UBE3B: variants seen among roughly 807,000 people sequenced by gnomAD.
The protein encoded by UBE3B is ubiquitin-protein ligase E3B.
In UBE3B, 80 loss-of-function variants were observed where a neutral mutation model predicts 132.3. The observed-to-expected ratio is 0.60, with a 90% CI of 0.50 to 0.73. The LOEUF is 0.73. UBE3B is among the 30% of genes least tolerant of loss of function. UBE3B has a pLI of 0.00. For missense variants in UBE3B, 1,196 were observed against 1,362.5 expected, an observed-to-expected ratio of 0.88 and a Z score of 1.92; for synonymous variants, 487 against 520.4, an observed-to-expected ratio of 0.94 and a Z score of 0.87.
chr12:109,497,482 C>T (rs1057402789), intron 9 of UBE3B, among the ~76,000 whole-genome samples: 1 of 152,132 alleles, frequency 6.6e-6, no homozygotes, highest in Non-Finnish European at 1.5e-5. Flanking sequence ...CTCCAAAACC[C>T]CCTTTTTTCC....
At chr12:109,515,134 C>T (rs888702643) in intron 18 of UBE3B, among the ~76,000 whole-genome samples, 3 of 151,790 alleles carry the variant, frequency 2.0e-5, no homozygotes, top group South Asian at 2.1e-4. Context: ...AGGATGGTCT[C>T]GATCTCCTGA....
chr12:109,537,371 C>G (rs1883491465), downstream of UBE3B, among the ~76,000 whole-genome samples: 1 of 152,190 alleles, frequency 6.6e-6, no homozygotes, highest in Admixed American at 6.5e-5. Context: ...TTTGCCCCGC[C>G]TTGGTGCTTC....
At chr12:109,490,461 A>G in intron 8 of UBE3B, 1 of 1,535,208 alleles carries the variant, frequency 6.5e-7, no homozygotes. Flanking sequence ...TTGAGAAGTA[A>G]TGTTGACTTT....
At chr12:109,500,484 A>G (rs987784102) in intron 12 of UBE3B, among the ~76,000 whole-genome samples, 8 of 152,138 alleles carry the variant, frequency 5.3e-5, no homozygotes, top group African/African-American at 1.2e-4. Context: ...GAAATCCCCA[A>G]ATTTTTCTTT....
intron 23 of UBE3B, among the ~76,000 whole-genome samples, chr12:109,526,115 C>T (rs1012881507): frequency 7.9e-5 from 12 of 152,138 alleles, no homozygotes; most frequent in South Asian, 2.1e-4. Context: ...CATGACATCC[C>T]GAAGTCTTAA....
At chr12:109,486,622 C>G in intron 6 of UBE3B, 47 bp downstream of exon 6, 3 of 1,415,640 alleles carry the variant, frequency 2.1e-6, no homozygotes, top group Non-Finnish European at 2.9e-6. Context: ...AGAAACAGTA[C>G]GTATGTCATT....
At chr12:109,516,171 T>C (rs945519642) in intron 18 of UBE3B, among the ~76,000 whole-genome samples, 7 of 135,258 alleles carry the variant, frequency 5.2e-5, no homozygotes, top group African/African-American at 8.4e-5. Context: ...TTTTTTCTTT[T>C]TTTTTTTTTT....
chr12:109,537,981 G>T (rs550817101), downstream of UBE3B, among the ~76,000 whole-genome samples: 3 of 152,178 alleles, frequency 2.0e-5, no homozygotes, highest in African/African-American at 7.2e-5. Context: ...GATTACAGGC[G>T]TGAGCCACCG....
intron 18 of UBE3B, among the ~76,000 whole-genome samples, chr12:109,515,274 T>G (rs538922024): frequency 2.6e-5 from 4 of 152,286 alleles, no homozygotes; most frequent in East Asian, 3.9e-4. Flanking sequence ...CATATTTGCC[T>G]AATAGAGTTA....
intron 1 of UBE3B, among the ~76,000 whole-genome samples, chr12:109,480,132 A>G (rs1477549337): frequency 6.6e-6 from 1 of 151,726 alleles, no homozygotes; most frequent in Non-Finnish European, 1.5e-5. Context: ...GACTGCCAGC[A>G]TTATTTCCTA....
rs983148577 is a variant in UBE3B at position 109,522,538 on chromosome 12, G to A, written c.2364+987G>A. Among the ~76,000 whole-genome samples the A allele has an allele frequency of 3.9e-5, 6 of 152,192 alleles. No homozygotes were observed. The highest frequency in any genetic ancestry group is 3.3e-4 in the Admixed American group (5 of 15,276). ...CTTCTGGCCCAAGCACGGAGGAAGC[G>A]AGCCACCTGGGCAGCACTCCTCGCA... On this transcript the variant is annotated intron_variant, in intron 21 of 27. Transcript: ENST00000342494. This position sits in a 1 kb window ranked among gnomAD's most constrained non-coding sequence, Gnocchi z 4.2.
rs765118724 is a variant in UBE3B at position 109,489,949 on chromosome 12, T to C, written c.575T>C (p.Ile192Thr). 1.2e-6 allele frequency: 2 copies of C among 1,614,232 alleles called. No individual in the cohort carries two copies. The highest frequency in any genetic ancestry group is 3.3e-5 in the Admixed American group (2 of 60,028). ...GESLRPAMNH[I>T]CANIMGHLNQ... The stretch of plus-strand genomic sequence containing the variant: ...AGTCTTCGACCAGCGATGAACCACA[T>C]TTGTGCAAATATAATGGGACATCTC... Residue 192 changes from isoleucine (I) to threonine (T), a missense_variant, in exon 8 of 28, where the codon ATT becomes ACT. Physicochemically the swap from Ile to Thr is moderately conservative, Grantham distance 89 (BLOSUM62 -1). Coordinates refer to ENST00000342494, the MANE Select transcript of UBE3B (RefSeq NM_130466.4).
chr12:109,532,861 C>T (rs1883083352), intron 26 of UBE3B, among the ~76,000 whole-genome samples: 2 of 152,172 alleles, frequency 1.3e-5, no homozygotes, highest in African/African-American at 2.4e-5. Context: ...GCACAGGGTC[C>T]CCCGGGGCCC....
chr12:109,544,474 C>G, the UBE3B span, among the ~76,000 whole-genome samples: 2 of 152,198 alleles, frequency 1.3e-5, no homozygotes, highest in Admixed American at 1.3e-4. Context: ...ACAGTTCTAG[C>G]AGAGACGCCA....
chr12:109,506,844 G>A (rs1879750927), intron 14 of UBE3B, among the ~76,000 whole-genome samples: 1 of 152,216 alleles, frequency 6.6e-6, no homozygotes, highest in Non-Finnish European at 1.5e-5. Flanking sequence ...CAGTATTTTT[G>A]TAACAAATAG....
At chr12:109,543,856 C>A in the UBE3B span, among the ~76,000 whole-genome samples, 1 of 151,708 alleles carries the variant, frequency 6.6e-6, no homozygotes, top group African/African-American at 2.4e-5. Context: ...TGGGGGGTAG[C>A]AGGAAAAACT....
chr12:109,545,264 GC>G, the UBE3B span, among the ~76,000 whole-genome samples: 1 of 152,188 alleles, frequency 6.6e-6, no homozygotes, highest in African/African-American at 2.4e-5. Flanking sequence ...GATGAGCCGG[GC>G]CCCGCCCAGG....
At chr12:109,488,759 A>G in intron 7 of UBE3B, 91 bp downstream of exon 7, 2 of 1,281,420 alleles carry the variant, frequency 1.6e-6, no homozygotes, top group South Asian at 1.2e-5. Context: ...CATTTTTGCC[A>G]CAAGCCTCAG....
intron 26 of UBE3B, among the ~76,000 whole-genome samples, chr12:109,532,018 G>A (rs1190306785): frequency 6.6e-6 from 1 of 152,092 alleles, no homozygotes; most frequent in Non-Finnish European, 1.5e-5. Flanking sequence ...AGGAGTGGAT[G>A]TGACCACGAC....
Sources: gnomAD v4.1 joint callset for allele counts (sites outside exome capture counted in the v4.1 genomes callset) on GRCh38, gnomAD v4.1.1 for gene constraint, Gnocchi (gnomAD v3.1) non-coding constraint, MANE v1.5 for transcripts, NCBI Gene and HGNC (gene_info 2026-07-23, HGNC 2026-07-21) for gene names.